GEMIN8: variants seen among roughly 807,000 people sequenced by gnomAD.
GEMIN8 encodes gem-associated protein 8.
For synonymous variants in GEMIN8, 80 were observed against 78.5 expected (o/e 1.02, Z -0.10); for missense variants, 185 against 205.9 (o/e 0.90, Z 0.62).
chrX:14,014,458 A>AT, intron 4 of GEMIN8: 2 of 750,787 alleles, frequency 2.7e-6, no homozygotes, highest in East Asian at 1.5e-4. Context: ...ACAGAAGTGC[A>AT]TTTTCATGTT....
chrX:13,988,628 A>G, the GEMIN8 span: 6 of 106,219 alleles, frequency 5.6e-5, no homozygotes, highest in African/African-American at 2.1e-4. Flanking sequence ...TAAAAAGATA[A>G]AGAACCTCTC....
intron 4 of GEMIN8, among the ~76,000 whole-genome samples, chrX:14,017,593 C>T (rs1171805515): frequency 8.9e-6 from 1 of 112,030 alleles, no homozygotes; most frequent in Non-Finnish European, 1.9e-5. Flanking sequence ...AGTCTGCAAT[C>T]GAGGTGTTGG....
At chrX:13,997,898 C>CAAA in the GEMIN8 span, among the ~76,000 whole-genome samples, 2 of 45,077 alleles carry the variant, frequency 4.4e-5, no homozygotes, top group Non-Finnish European at 8.0e-5. Flanking sequence ...GACTCTGTCT[C>CAAA]AAAAAAAAAA....
chrX:14,022,386 C>G (rs1396854066), intron 2 of GEMIN8, among the ~76,000 whole-genome samples: 2 of 111,091 alleles, frequency 1.8e-5, no homozygotes, highest in East Asian at 2.8e-4. Flanking sequence ...CTCTCCTTGC[C>G]TAACCACCCT....
At chrX:13,984,559 T>TA in the GEMIN8 span, among the ~76,000 whole-genome samples, 1 of 111,996 alleles carries the variant, frequency 8.9e-6, no homozygotes, top group African/African-American at 3.2e-5. Context: ...CCTAAAACAT[T>TA]AATATCTGGC....
intron 2 of GEMIN8, among the ~76,000 whole-genome samples, chrX:14,025,180 G>C (rs904351571): frequency 4.5e-5 from 5 of 111,732 alleles, no homozygotes; most frequent in African/African-American, 1.6e-4. Flanking sequence ...TAAAGGAATA[G>C]CAACTTGCAT....
intron 4 of GEMIN8, chrX:14,014,340 C>T: frequency 1.3e-6 from 1 of 751,769 alleles, no homozygotes; most frequent in Non-Finnish European, 1.6e-6. Context: ...TACATGCCAG[C>T]AGAACTGGAG....
At chrX:14,012,860 G>T (rs900415068) in intron 4 of GEMIN8, among the ~76,000 whole-genome samples, 2 of 110,969 alleles carry the variant, frequency 1.8e-5, no homozygotes, top group Non-Finnish European at 3.8e-5. Flanking sequence ...GGGGCTATGG[G>T]GGGGGGCACC....
At chrX:13,996,308 T>C in the GEMIN8 span, among the ~76,000 whole-genome samples, 2 of 111,839 alleles carry the variant, frequency 1.8e-5, no homozygotes, top group South Asian at 7.5e-4. Context: ...CAAGGGCTAA[T>C]TGTATATCTG....
rs941022061 is a variant in GEMIN8, at chrX:14,006,730, C to T, written c.*2183G>A. Among the ~76,000 whole-genome samples, 1 of 111,748 alleles carries T rather than the reference C, an allele frequency of 8.9e-6. No homozygotes were observed. Among genetic ancestry groups the T allele is most frequent in the Non-Finnish European group, 1.9e-5 (1 of 53,194 alleles). On this transcript the variant is annotated 3_prime_UTR_variant, in exon 5 of 5. Coordinates refer to ENST00000680255, the MANE Select transcript of GEMIN8 (RefSeq NM_001042479.2). Reference sequence around the variant, plus strand: ...GTGATTTTTAAAGACAGGTAATAAACGTGTCAACATTTATTGAGTATTTAC... The same window carrying T: ...GTGATTTTTAAAGACAGGTAATAAATGTGTCAACATTTATTGAGTATTTAC...
the GEMIN8 span, among the ~76,000 whole-genome samples, chrX:13,994,732 T>C: frequency 8.9e-6 from 1 of 112,215 alleles, no homozygotes; most frequent in Non-Finnish European, 1.9e-5. Context: ...GAAAAACTGT[T>C]CCTCAAACTG....
intron 4 of GEMIN8, among the ~76,000 whole-genome samples, chrX:14,018,961 A>G (rs1924124826): frequency 9.0e-6 from 1 of 110,509 alleles, no homozygotes; most frequent in Non-Finnish European, 1.9e-5. Context: ...CAGTTTAAAC[A>G]AAAGAAAGGA....
the GEMIN8 span, among the ~76,000 whole-genome samples, chrX:13,990,552 G>T: frequency 8.9e-6 from 1 of 112,292 alleles, no homozygotes; most frequent in Non-Finnish European, 1.9e-5. Context: ...GAGTGCATGG[G>T]TCACCCACAG....
chrX:13,987,333 G>A, the GEMIN8 span, among the ~76,000 whole-genome samples: 6 of 112,422 alleles, frequency 5.3e-5, no homozygotes, highest in African/African-American at 9.7e-5. Flanking sequence ...ATTCAGCAGA[G>A]TGAGGAAATG....
At chrX:13,997,163 A>G in the GEMIN8 span, among the ~76,000 whole-genome samples, 3 of 110,232 alleles carry the variant, frequency 2.7e-5, no homozygotes, top group Non-Finnish European at 5.7e-5. Context: ...GATGGTCTCA[A>G]TCTCCTGAAC....
At chrX:13,985,485 T>G in the GEMIN8 span, among the ~76,000 whole-genome samples, 2 of 112,133 alleles carry the variant, frequency 1.8e-5, no homozygotes, top group East Asian at 5.6e-4. Flanking sequence ...CACAGATGAT[T>G]ATTATTTTTA....
intron 1 of GEMIN8, chrX:14,027,277 G>A (rs1014389584): frequency 1.8e-5 from 2 of 113,135 alleles, no homozygotes; most frequent in Non-Finnish European, 3.7e-5. Context: ...TGGTTGCTGA[G>A]GCTGGCAAGC....
At chrX:14,003,368 G>C (rs1202365567), downstream of GEMIN8, among the ~76,000 whole-genome samples, 2 of 112,756 alleles carry the variant, frequency 1.8e-5, no homozygotes, top group African/African-American at 6.4e-5. Context: ...TGAATGTGGT[G>C]ATGTTGGTTA....
At chrX:14,015,495 G>GT (rs772162720) in intron 4 of GEMIN8, among the ~76,000 whole-genome samples, 1 of 111,882 alleles carries the variant, frequency 8.9e-6, no homozygotes, top group South Asian at 3.7e-4. Flanking sequence ...AGCTTTTGGT[G>GT]TTTTTTATCC....
Sources: allele counts gnomAD v4.1 joint callset (sites outside exome capture counted in the v4.1 genomes callset), GRCh38; gene constraint gnomAD v4.1.1; transcripts MANE v1.5; gene names NCBI Gene and HGNC (gene_info 2026-07-23, HGNC 2026-07-21).